The following UEVLD variants were observed in gnomAD, a reference collection of about 807,000 sequenced individuals.
UEVLD encodes ubiquitin-conjugating enzyme E2 variant 3.
UEVLD carries 47 observed loss-of-function variants against 58.6 expected under a neutral mutation model. That is an observed-to-expected ratio of 0.80 (90% CI 0.63 to 1.02). UEVLD has a LOEUF of 1.02. Among genes scored for constraint, UEVLD ranks in the 50% least tolerant of loss-of-function variants. UEVLD has a pLI of 0.00. For synonymous variants in UEVLD, 197 were observed against 195.3 expected, an observed-to-expected ratio of 1.01 and a Z score of -0.07; for missense variants, 510 against 550.6, an observed-to-expected ratio of 0.93 and a Z score of 0.74.
chr11:18,544,691 G>A lies in UEVLD; in HGVS notation c.992C>T (p.Thr331Ile), dbSNP rs199750985. 20 of 1,589,154 alleles carry A rather than the reference G, an allele frequency of 1.3e-5. No homozygotes were observed. The Admixed American group carries it at 2.0e-4, about 16-fold the overall frequency. Reference protein sequence around the residue: ...LDSQRLQYIITNVLKAQTSGK... With the variant: ...LDSQRLQYIIINVLKAQTSGK... ...TGAAGTCTGTGCCTTCAAAACATTT[G>A]TAATAATATACTGTAATCTCTGTGA... The change falls in exon 9 of 12, where the codon ACA becomes ATA. Residue 331 changes from threonine (T) to isoleucine (I), a missense_variant. Physicochemically the swap from Thr to Ile is moderately conservative, Grantham distance 89 (BLOSUM62 -1). Transcript: ENST00000396197.
intron 6 of UEVLD, among the ~76,000 whole-genome samples, chr11:18,559,164 G>A (rs539591198): frequency 6.6e-6 from 1 of 151,162 alleles, no homozygotes; most frequent in African/African-American, 2.4e-5. Flanking sequence ...GTGAGCCACC[G>A]TGCCCAGGTC....
At chr11:18,564,236 T>G (rs1020487224) in intron 6 of UEVLD, among the ~76,000 whole-genome samples, 9 of 151,942 alleles carry the variant, frequency 5.9e-5, no homozygotes, top group African/African-American at 2.2e-4. Context: ...CAAATATATA[T>G]AGAAAAGAAA....
intron 1 of UEVLD, among the ~76,000 whole-genome samples, chr11:18,584,943 C>T (rs1437833623): frequency 6.6e-6 from 1 of 151,882 alleles, no homozygotes; most frequent in East Asian, 1.9e-4. Flanking sequence ...TTTATTGGTT[C>T]TAATATTGAT....
intron 9 of UEVLD, among the ~76,000 whole-genome samples, chr11:18,537,324 A>ATATATAT (rs1160942409): frequency 5.3e-5 from 7 of 131,564 alleles, no homozygotes; most frequent in East Asian, 4.3e-4. Flanking sequence ...ATATATATAT[A>ATATATAT]TTTTTTTTTT....
At chr11:18,568,767 C>G (rs1852429937) in intron 4 of UEVLD, among the ~76,000 whole-genome samples, 1 of 152,170 alleles carries the variant, frequency 6.6e-6, no homozygotes, top group East Asian at 1.9e-4. Context: ...AATGCATCTA[C>G]AATTATACAC....
intron 11 of UEVLD, among the ~76,000 whole-genome samples, 190 bp from the exon 12 acceptor site, chr11:18,532,677 C>G (rs1850618010): frequency 1.3e-5 from 2 of 152,088 alleles, no homozygotes; most frequent in Non-Finnish European, 2.9e-5. Context: ...ATTCTATAAA[C>G]TTGTTATCAT....
intron 7 of UEVLD, among the ~76,000 whole-genome samples, chr11:18,552,985 C>G (rs888637497): frequency 8.3e-6 from 1 of 120,362 alleles, no homozygotes; most frequent in South Asian, 3.5e-4. Context: ...GAAACCCCGT[C>G]TCTACTAAAA....
Position 18,588,686 on chromosome 11 carries a change from C to T in UEVLD, c.-32G>A, listed in dbSNP as rs1176024638. On this transcript the variant is annotated 5_prime_UTR_variant, in exon 1 of 12. Transcript: ENST00000396197. ...GCCGGTCCCGAGCTAGGTCCCAGGA[C>T]TCCAGCCCCCGGACCTTCTTCCGGA... The T allele has an allele frequency of 3.1e-6, 5 of 1,603,362 alleles. No individual in the cohort carries two copies. The highest frequency in any genetic ancestry group is 2.2e-5 in the East Asian group (1 of 44,758).
At chr11:18,549,682 G>A (rs1244739611) in intron 7 of UEVLD, among the ~76,000 whole-genome samples, 1 of 151,986 alleles carries the variant, frequency 6.6e-6, no homozygotes, top group Non-Finnish European at 1.5e-5. Flanking sequence ...GCCTCCCAAA[G>A]TGCTGGAATT....
chr11:18,570,102 A>G (rs1852517215), intron 4 of UEVLD, 112 bp downstream of exon 4: 6 of 1,160,444 alleles, frequency 5.2e-6, no homozygotes, highest in African/African-American at 1.6e-5. Context: ...GACTACATGA[A>G]GAATATCATT....
chr11:18,542,999 T>C (rs929210082), intron 9 of UEVLD, among the ~76,000 whole-genome samples: 4 of 149,368 alleles, frequency 2.7e-5, no homozygotes, highest in African/African-American at 9.8e-5. Flanking sequence ...TTCAAGCAGT[T>C]CTCCTGCCTC....
chr11:18,564,419 T>G (rs1049356850), intron 6 of UEVLD, among the ~76,000 whole-genome samples: 2 of 151,842 alleles, frequency 1.3e-5, no homozygotes, highest in African/African-American at 4.8e-5. Flanking sequence ...AAACAATTTA[T>G]GCAGACACTA....
intron 7 of UEVLD, among the ~76,000 whole-genome samples, chr11:18,553,736 G>A (rs1021139950): frequency 2.0e-5 from 3 of 152,136 alleles, no homozygotes; most frequent in South Asian, 2.1e-4. Context: ...AACATTATGC[G>A]AAGTGACACA....
intron 1 of UEVLD, among the ~76,000 whole-genome samples, chr11:18,580,814 G>T (rs1853200941): frequency 6.6e-6 from 1 of 152,122 alleles, no homozygotes; most frequent in Admixed American, 6.6e-5. Flanking sequence ...AATGGAAGAG[G>T]ATTGCTAGTG....
intron 2 of UEVLD, among the ~76,000 whole-genome samples, chr11:18,576,957 T>G (rs1436358348): frequency 6.6e-6 from 1 of 152,022 alleles, no homozygotes; most frequent in Non-Finnish European, 1.5e-5. Flanking sequence ...CCAAGGTGGG[T>G]GGATCACTTG....
intron 1 of UEVLD, 99 bp downstream of exon 1, chr11:18,588,514 A>G (rs1853706751): frequency 3.5e-6 from 5 of 1,443,270 alleles, no homozygotes; most frequent in Non-Finnish European, 4.7e-6. Context: ...AAGCCCCACT[A>G]CAAGCCGGGA....
chr11:18,566,043 C>A (rs1423314347), intron 5 of UEVLD, among the ~76,000 whole-genome samples: 1 of 151,414 alleles, frequency 6.6e-6, no homozygotes, highest in Non-Finnish European at 1.5e-5. Context: ...GGATTACAGG[C>A]ACCTGCCACC....
chr11:18,539,462 TACTTAGATA>T (rs1161874130), intron 9 of UEVLD, among the ~76,000 whole-genome samples: 3 of 152,222 alleles, frequency 2.0e-5, no homozygotes, highest in African/African-American at 2.4e-5. Context: ...TAAAATGTTT[TACTTAGATA>T]GAAGGGTGAT....
In UEVLD at chr11:18,546,929, A is replaced by G; in HGVS notation, c.837T>C (p.Ala279=). ...NVDMFRALVP[A]LGHYSQHSVL... ...CACTGTGTTGACTATAATGTCCCAG[A>G]GCTGGGACAAGGGCTCTGAACATAT... The change falls in exon 8 of 12, where the codon GCT becomes GCC. Residue 279 remains alanine, a synonymous_variant. Transcript: ENST00000396197. 1 of 1,614,050 alleles carries G rather than the reference A, an allele frequency of 6.2e-7. No individual in the cohort carries two copies. The highest frequency in any genetic ancestry group is 1.3e-5 in the African/African-American group (1 of 75,028).
Sources: allele counts gnomAD v4.1 joint callset (sites outside exome capture counted in the v4.1 genomes callset), GRCh38; gene constraint gnomAD v4.1.1; transcripts MANE v1.5; gene names NCBI Gene and HGNC (gene_info 2026-07-23, HGNC 2026-07-21).